PARP8: variants seen among roughly 807,000 people sequenced by gnomAD.
The protein encoded by PARP8 is protein mono-ADP-ribosyltransferase PARP8.
PARP8 carries 51 observed loss-of-function variants against 124.1 expected under a neutral mutation model. The observed-to-expected ratio is 0.41, with a 90% confidence interval of 0.33 to 0.52. The LOEUF (loss-of-function observed/expected upper bound fraction) is 0.52, where lower values mean the gene tolerates loss of function less well. Among genes scored for constraint, PARP8 ranks in the 20% least tolerant of loss-of-function variants. The pLI, the probability that PARP8 is intolerant of heterozygous loss-of-function variation, is 0.21. For missense variants in PARP8, 860 were observed against 1,018.9 expected (o/e 0.84, Z 2.12); for synonymous variants, 391 against 361.5 (o/e 1.08, Z -0.93).
chr5:50,696,799 CTTAA>C lies in PARP8; in HGVS notation c.146+28677_146+28680del, dbSNP rs375914817. Among the ~76,000 whole-genome samples the C allele has an allele frequency of 3.2e-4, 49 of 152,160 alleles. 1 individual carries two copies. In the East Asian group the frequency reaches 7.0e-3, roughly 22 times the overall value. The stretch of plus-strand genomic sequence containing the variant: ...TTGCCCCCTAATCTGTTGCTTCTTT[CTTAA>C]TTGACTGTAGCTTTTGGAATTTCTT... On this transcript the variant is annotated intron_variant, in intron 2 of 25. Transcript: ENST00000281631.
intron 16 of PARP8, 105 bp downstream of exon 16, chr5:50,821,443 T>C: frequency 1.6e-6 from 2 of 1,278,168 alleles, no homozygotes; most frequent in Non-Finnish European, 2.2e-6. Flanking sequence ...TAAATCTCTA[T>C]CTCATCAAGC....
intron 25 of PARP8, among the ~76,000 whole-genome samples, chr5:50,838,449 T>C (rs1747822074): frequency 6.6e-6 from 1 of 152,048 alleles, no homozygotes; most frequent in Non-Finnish European, 1.5e-5. Context: ...ATTACCGTTA[T>C]TACACTAGTG....
At chr5:50,805,643 CA>C (rs33911190) in intron 14 of PARP8, among the ~76,000 whole-genome samples, 28,876 of 151,974 alleles carry the variant, frequency 0.19, 3,928 homozygotes, top group African/African-American at 0.39. Flanking sequence ...AGATAAAACA[CA>C]AAACTTGGAA....
At chr5:50,755,750 C>G (rs1208094424) in intron 3 of PARP8, among the ~76,000 whole-genome samples, 3 of 151,966 alleles carry the variant, frequency 2.0e-5, no homozygotes, top group African/African-American at 7.2e-5. Flanking sequence ...GGATGGCATT[C>G]AATCTATAAA....
At chr5:50,840,922 T>C (rs1192833049) in intron 25 of PARP8, among the ~76,000 whole-genome samples, 3 of 151,874 alleles carry the variant, frequency 2.0e-5, no homozygotes, top group East Asian at 3.9e-4. Flanking sequence ...GCGATAAGAA[T>C]TAGCCAAATA....
chr5:50,741,465 A>G (rs1289953481), intron 2 of PARP8, among the ~76,000 whole-genome samples: 2 of 152,328 alleles, frequency 1.3e-5, no homozygotes, highest in East Asian at 3.9e-4. Context: ...CATCAATGTT[A>G]CTAATCAATG....
chr5:50,814,988 T>C lies in PARP8; in HGVS notation c.1576-444T>C, dbSNP rs562294513. On this transcript the variant is annotated intron_variant, in intron 14 of 25. Coordinates refer to ENST00000281631, the MANE Select transcript of PARP8 (RefSeq NM_024615.4). Reference sequence around the variant, plus strand: ...GAATCATGCTATTTTTTTTTTGTTTTTTTCCAACAAAATTTCCCAGGAAAA... The same window carrying C: ...GAATCATGCTATTTTTTTTTTGTTTCTTTCCAACAAAATTTCCCAGGAAAA... 2.0e-5 allele frequency among the ~76,000 whole-genome samples: 3 copies of C among 152,252 alleles called. No individual in the cohort carries two copies. The South Asian group carries it at 6.2e-4, about 32-fold the overall frequency.
intron 2 of PARP8, among the ~76,000 whole-genome samples, chr5:50,733,147 C>CA (rs1282456064): frequency 6.6e-6 from 1 of 151,368 alleles, no homozygotes; most frequent in Non-Finnish European, 1.5e-5. Context: ...ACTAAAAATA[C>CA]AAAAAAATTA....
intron 14 of PARP8, among the ~76,000 whole-genome samples, chr5:50,799,888 A>G (rs145181872): frequency 3.3e-5 from 5 of 152,324 alleles, no homozygotes; most frequent in South Asian, 2.1e-4. Context: ...ACTCTGGTCT[A>G]TGAATCAGCA....
chr5:50,844,276 A>G lies in PARP8; in HGVS notation c.*2208A>G, dbSNP rs1050482443. 2 of 151,854 alleles carry G rather than the reference A, an allele frequency of 1.3e-5. No homozygotes were observed. Among genetic ancestry groups the G allele is most frequent in the Non-Finnish European group, 2.9e-5 (2 of 67,828 alleles). 9.4% of individuals were successfully genotyped at this position (151,854 alleles called of 1,614,324 possible). A position where few individuals can be genotyped will look rare whatever the true frequency, so the allele number is the denominator to read the frequency against. On this transcript the variant is annotated 3_prime_UTR_variant, in exon 26 of 26. Transcript: ENST00000281631. Reference sequence around the variant, plus strand: ...ACAGTTAATTGAGTTGTATCATGATACAGAATGACAGATTTTGTTTCAAAC... The same window carrying G: ...ACAGTTAATTGAGTTGTATCATGATGCAGAATGACAGATTTTGTTTCAAAC...
At chr5:50,799,057 A>G (rs1168621457) in intron 14 of PARP8, among the ~76,000 whole-genome samples, 1 of 152,168 alleles carries the variant, frequency 6.6e-6, no homozygotes, top group Admixed American at 6.5e-5. Flanking sequence ...TTTGACACAC[A>G]CAAGTTTTTA....
chr5:50,739,170 T>G, intron 2 of PARP8: 1 of 663,158 alleles, frequency 1.5e-6, no homozygotes, highest in Admixed American at 2.0e-5. Flanking sequence ...GGACACAGGC[T>G]AGGTAACTCC....
intron 18 of PARP8, among the ~76,000 whole-genome samples, chr5:50,825,961 C>T (rs571269411): frequency 1.3e-5 from 2 of 152,092 alleles, no homozygotes; most frequent in African/African-American, 2.4e-5. Context: ...TTCTTTGTAT[C>T]TGTTATGATC....
chr5:50,817,272 G>T (rs1745206440), intron 15 of PARP8, among the ~76,000 whole-genome samples: 1 of 152,204 alleles, frequency 6.6e-6, no homozygotes, highest in Admixed American at 6.5e-5. Flanking sequence ...ACAAGTATTT[G>T]ATCAGCTCAA....
chr5:50,778,233 T>TATTA (rs1216881858), intron 8 of PARP8, 104 bp downstream of exon 8: 2 of 863,226 alleles, frequency 2.3e-6, no homozygotes, highest in African/African-American at 3.4e-5. Context: ...TACTATTAGT[T>TATTA]ACATATTGAC....
At chr5:50,672,693 G>A (rs1412298164) in intron 2 of PARP8, among the ~76,000 whole-genome samples, 1 of 152,186 alleles carries the variant, frequency 6.6e-6, no homozygotes, top group Non-Finnish European at 1.5e-5. Flanking sequence ...ACAGCACTCT[G>A]TTGATCAAGC....
At chr5:50,814,712 C>G (rs1244309848) in intron 14 of PARP8, among the ~76,000 whole-genome samples, 3 of 152,110 alleles carry the variant, frequency 2.0e-5, no homozygotes, top group African/African-American at 7.2e-5. Flanking sequence ...TAACAAATGC[C>G]TTTTGTCTGC....
intron 23 of PARP8, chr5:50,833,427 G>C (rs78857756): frequency 2.2e-6 from 1 of 453,832 alleles, no homozygotes; most frequent in Admixed American, 2.4e-5. Flanking sequence ...GAGAAAACAA[G>C]TATATTCTGG....
At chr5:50,720,007 A>T (rs1246069395) in intron 2 of PARP8, among the ~76,000 whole-genome samples, 3 of 151,502 alleles carry the variant, frequency 2.0e-5, no homozygotes, top group Non-Finnish European at 4.4e-5. Context: ...AGGCAAAATT[A>T]AAAAAAAATC....
Sources: allele counts gnomAD v4.1 joint callset (sites outside exome capture counted in the v4.1 genomes callset), GRCh38; gene constraint gnomAD v4.1.1; transcripts MANE v1.5; gene names NCBI Gene and HGNC (gene_info 2026-07-23, HGNC 2026-07-21).